The following GPR39 variants were observed in gnomAD, a reference collection of about 807,000 sequenced individuals.
The protein encoded by GPR39 is G protein-coupled receptor 39.
Under a neutral mutation model 18.4 loss-of-function variants are expected in GPR39, and 23 were observed. The ratio of observed to expected loss-of-function variants is 1.25; its 90% CI spans 0.90 to 1.77. GPR39 has a LOEUF of 1.77. Among genes scored for constraint, GPR39 ranks in the 40% most tolerant of loss-of-function variants. GPR39 has a pLI of 0.00. For synonymous variants in GPR39, 280 were observed against 257.9 expected, an observed-to-expected ratio of 1.09 and a Z score of -0.82; for missense variants, 647 against 602.4, an observed-to-expected ratio of 1.07 and a Z score of -0.78.
At chr2:132,590,906 C>T (rs1680824078) in intron 1 of GPR39, among the ~76,000 whole-genome samples, 1 of 150,792 alleles carries the variant, frequency 6.6e-6, no homozygotes, top group Admixed American at 6.6e-5. Context: ...ACAGACCCAC[C>T]CTCAACCTGG....
At chr2:132,442,946 A>G (rs1573604505) in intron 1 of GPR39, among the ~76,000 whole-genome samples, 1 of 152,320 alleles carries the variant, frequency 6.6e-6, no homozygotes, top group African/African-American at 2.4e-5. Flanking sequence ...AATTAGGAAT[A>G]CTCTTATTTT....
At chr2:132,627,860 C>T (rs1361825549) in intron 1 of GPR39, among the ~76,000 whole-genome samples, 3 of 152,222 alleles carry the variant, frequency 2.0e-5, no homozygotes, top group Non-Finnish European at 2.9e-5. Flanking sequence ...CTGGATCCCC[C>T]TTTCCTCATT....
chr2:132,606,620 T>C (rs1013706579), intron 1 of GPR39, among the ~76,000 whole-genome samples: 4 of 152,224 alleles, frequency 2.6e-5, no homozygotes, highest in African/African-American at 9.6e-5. Flanking sequence ...GCAGTTGGCT[T>C]GTGTTAGTTC....
intron 1 of GPR39, among the ~76,000 whole-genome samples, chr2:132,536,396 C>G (rs542484983): frequency 1.3e-5 from 2 of 152,264 alleles, no homozygotes; most frequent in African/African-American, 4.8e-5. Context: ...GTTTCTTAAT[C>G]CTGATTTCTA....
chr2:132,589,382 C>T (rs938873995), intron 1 of GPR39, among the ~76,000 whole-genome samples: 1 of 152,206 alleles, frequency 6.6e-6, no homozygotes, highest in Non-Finnish European at 1.5e-5. Flanking sequence ...TTAATTGTCA[C>T]GTTGAATCAA....
At chr2:132,629,012 G>T (rs1162851544) in intron 1 of GPR39, among the ~76,000 whole-genome samples, 1 of 152,124 alleles carries the variant, frequency 6.6e-6, no homozygotes, top group African/African-American at 2.4e-5. Context: ...ACAGTATCTG[G>T]GAGGTTCTAA....
rs530193488 is a variant in GPR39, at chr2:132,645,886, C to T, written c.*280C>T. 2.0e-5 allele frequency: 13 copies of T among 660,640 alleles called. No homozygotes were observed. The highest frequency in any genetic ancestry group is 1.0e-4 in the Admixed American group (3 of 29,952). The allele number at this position is 660,640 out of a possible 1,614,324, so 40.9% of individuals were successfully genotyped here. On this transcript the variant is annotated 3_prime_UTR_variant, in exon 2 of 2. Coordinates refer to ENST00000329321, the MANE Select transcript of GPR39 (RefSeq NM_001508.3). The stretch of plus-strand genomic sequence containing the variant: ...GCTGAATTTATTCAGAATGCTTTAC[C>T]GAGCTCTTTCATTATTTGCACAGGA...
intron 1 of GPR39, among the ~76,000 whole-genome samples, chr2:132,644,248 A>G (rs529923080): frequency 5.3e-5 from 8 of 152,364 alleles, no homozygotes; most frequent in African/African-American, 1.7e-4. Context: ...ATGCAAACAA[A>G]TGTACATGCA....
intron 1 of GPR39, among the ~76,000 whole-genome samples, chr2:132,425,554 A>G (rs1428909957): frequency 6.6e-6 from 1 of 152,204 alleles, no homozygotes; most frequent in Admixed American, 6.5e-5. Context: ...CCTGGTCCAT[A>G]AGGTATACGT....
intron 1 of GPR39, among the ~76,000 whole-genome samples, chr2:132,456,838 C>A (rs370712765): frequency 6.6e-6 from 1 of 152,178 alleles, no homozygotes; most frequent in Non-Finnish European, 1.5e-5. Context: ...GGGTTTCTGC[C>A]GAGAGATCCG....
chr2:132,549,087 G>A (rs1679996353), intron 1 of GPR39, among the ~76,000 whole-genome samples: 1 of 152,126 alleles, frequency 6.6e-6, no homozygotes, highest in Admixed American at 6.5e-5. Flanking sequence ...TTAATGGTGT[G>A]TCTAACATAC....
At chr2:132,584,667 G>A (rs1453007278) in intron 1 of GPR39, among the ~76,000 whole-genome samples, 1 of 152,054 alleles carries the variant, frequency 6.6e-6, no homozygotes, top group Non-Finnish European at 1.5e-5. Flanking sequence ...GAAGATGAAA[G>A]GAAGGAAAGA....
At chr2:132,446,891 A>G (rs1680547766) in intron 1 of GPR39, among the ~76,000 whole-genome samples, 1 of 152,166 alleles carries the variant, frequency 6.6e-6, no homozygotes, top group Non-Finnish European at 1.5e-5. Flanking sequence ...CAAGTGTGCA[A>G]TGGCACAGAA....
At chr2:132,524,117 T>C (rs374212783) in intron 1 of GPR39, among the ~76,000 whole-genome samples, 4 of 152,314 alleles carry the variant, frequency 2.6e-5, no homozygotes, top group South Asian at 4.1e-4. Context: ...ACCACCATTA[T>C]AGGGAAAGCT....
chr2:132,571,662 G>A (rs752034890), intron 1 of GPR39, among the ~76,000 whole-genome samples: 1 of 152,114 alleles, frequency 6.6e-6, no homozygotes, highest in Non-Finnish European at 1.5e-5. Flanking sequence ...TGATGGTAAG[G>A]GGTTGCGGAG....
chr2:132,464,897 C>T (rs1680900011), intron 1 of GPR39, among the ~76,000 whole-genome samples: 1 of 152,098 alleles, frequency 6.6e-6, no homozygotes, highest in Non-Finnish European at 1.5e-5. Context: ...GAGCCAATTC[C>T]CAGGGGGCAT....
chr2:132,584,623 G>GAA (rs202081534), intron 1 of GPR39, among the ~76,000 whole-genome samples: 4 of 150,048 alleles, frequency 2.7e-5, no homozygotes, highest in African/African-American at 9.9e-5. Context: ...TTCTTTCAGG[G>GAA]GAAAAAAAAA....
rs773634330 is a variant in GPR39, at chr2:132,492,089, CAT to C, written c.856+74201_856+74202del. On this transcript the variant is annotated intron_variant, in intron 1 of 1. Coordinates refer to ENST00000329321, the MANE Select transcript of GPR39 (RefSeq NM_001508.3). ...ATACACCACATATATATACACACCA[CAT>C]ATATATATACATACCATATATATAC... is the stretch of plus-strand genomic sequence containing the variant. 1.9e-3 allele frequency among the ~76,000 whole-genome samples: 288 copies of C among 149,340 alleles called. 1 individual carries two copies. Among genetic ancestry groups the C allele is most frequent in the African/African-American group, 6.5e-3 (265 of 40,664 alleles).
chr2:132,518,830 T>C (rs747839209), intron 1 of GPR39, among the ~76,000 whole-genome samples: 14 of 152,264 alleles, frequency 9.2e-5, no homozygotes, highest in Non-Finnish European at 1.8e-4. Flanking sequence ...GTTTTCATTC[T>C]TTCTGTTTTG....
Sources: gnomAD v4.1 joint callset for allele counts (sites outside exome capture counted in the v4.1 genomes callset) on GRCh38, gnomAD v4.1.1 for gene constraint, MANE v1.5 for transcripts, NCBI Gene and HGNC (gene_info 2026-07-23, HGNC 2026-07-21) for gene names.